The following IL1RAPL2 variants were observed in gnomAD, a reference collection of about 807,000 sequenced individuals.
The protein encoded by IL1RAPL2 is interleukin 1 receptor accessory protein like 2.
In IL1RAPL2, 3 loss-of-function variants were observed where a neutral mutation model predicts 44.1. The observed-to-expected ratio is 0.07, with a 90% CI of 0.03 to 0.18. IL1RAPL2 has a LOEUF of 0.18. Among genes scored for constraint, IL1RAPL2 ranks in the 10% least tolerant of loss-of-function variants. IL1RAPL2 has a pLI of 1.00. For missense variants in IL1RAPL2, 391 were observed against 496.4 expected (o/e 0.79, Z 2.02); for synonymous variants, 181 against 178.8 (o/e 1.01, Z -0.10).
At chrX:104,876,766 A>T (rs1219336280) in intron 2 of IL1RAPL2, among the ~76,000 whole-genome samples, 2 of 101,673 alleles carry the variant, frequency 2.0e-5, no homozygotes, top group East Asian at 3.1e-4. Context: ...TTTAGGGTAC[A>T]TGTGCACAAT....
At chrX:105,234,731 A>G (rs782098585) in intron 4 of IL1RAPL2, among the ~76,000 whole-genome samples, 22 of 108,615 alleles carry the variant, frequency 2.0e-4, no homozygotes, top group Non-Finnish European at 3.6e-4. Flanking sequence ...CCACTTGAAC[A>G]TGGGAGGCAG....
At chrX:104,845,724 C>T (rs1035663176) in intron 2 of IL1RAPL2, among the ~76,000 whole-genome samples, 1 of 111,844 alleles carries the variant, frequency 8.9e-6, no homozygotes, top group Non-Finnish European at 1.9e-5. Context: ...CTCTATTTGT[C>T]ATGGTTTTTA....
intron 5 of IL1RAPL2, among the ~76,000 whole-genome samples, chrX:105,379,526 A>C (rs935809052): frequency 1.8e-5 from 2 of 111,767 alleles, no homozygotes; most frequent in African/African-American, 6.5e-5. Context: ...ACTATCCCTT[A>C]CATTTGTATA....
chrX:105,480,380 A>C (rs1232307187), intron 5 of IL1RAPL2, among the ~76,000 whole-genome samples: 2 of 112,173 alleles, frequency 1.8e-5, no homozygotes, highest in Non-Finnish European at 3.8e-5. Flanking sequence ...AGGAAGAAGA[A>C]GGCAGTAATA....
chrX:105,343,309 AGAAT>A (rs1282311752), intron 5 of IL1RAPL2, among the ~76,000 whole-genome samples: 1 of 112,505 alleles, frequency 8.9e-6, no homozygotes, highest in Non-Finnish European at 1.9e-5. Flanking sequence ...TTGTAAAAAT[AGAAT>A]GAGTTTTAAA....
At position 105,714,408 on chromosome X, in the gene IL1RAPL2, T is replaced by C. The variant is rs181544233; in HGVS notation, c.773-2959T>C. Among the ~76,000 whole-genome samples the C allele has an allele frequency of 8.0e-5, 9 of 111,879 alleles. No individual in the cohort carries two copies. In the East Asian group the frequency reaches 1.7e-3, roughly 21 times the overall value. On this transcript the variant is annotated intron_variant, in intron 6 of 10. Transcript: ENST00000372582. ...CTCCCACATCTTCAGGTATTTGTTATAGCAACAACCCCACTCTCGGTACCA... is the reference window on the plus strand; with the variant it reads ...CTCCCACATCTTCAGGTATTTGTTACAGCAACAACCCCACTCTCGGTACCA...
intron 2 of IL1RAPL2, among the ~76,000 whole-genome samples, chrX:105,035,144 C>T (rs2031604317): frequency 9.0e-6 from 1 of 111,550 alleles, no homozygotes; most frequent in Non-Finnish European, 1.9e-5. Flanking sequence ...CGTCTGTCAC[C>T]CCTTTCTTTG....
chrX:105,434,770 T>C, intron 5 of IL1RAPL2, among the ~76,000 whole-genome samples: 1 of 111,963 alleles, frequency 8.9e-6, no homozygotes, highest in Admixed American at 9.5e-5. Context: ...GGTGATTTTA[T>C]CATAAAATCT....
At chrX:105,479,929 C>G (rs997997227) in intron 5 of IL1RAPL2, among the ~76,000 whole-genome samples, 11 of 110,863 alleles carry the variant, frequency 9.9e-5, no homozygotes, top group Non-Finnish European at 1.9e-4. Context: ...AATGTTATGA[C>G]GAAAATAGTG....
intron 5 of IL1RAPL2, among the ~76,000 whole-genome samples, chrX:105,282,383 A>G (rs1327061893): frequency 1.8e-5 from 2 of 111,862 alleles, no homozygotes; most frequent in Non-Finnish European, 3.8e-5. Flanking sequence ...TCTGTAAATC[A>G]TTTCTTGGTA....
chrX:105,367,315 T>G (rs186210144), intron 5 of IL1RAPL2, among the ~76,000 whole-genome samples: 150 of 111,785 alleles, frequency 1.3e-3, no homozygotes, highest in Non-Finnish European at 2.6e-3. Context: ...GAGAATTTAA[T>G]TCATTTAAAC....
At chrX:104,640,264 C>G (rs1929906672) in intron 1 of IL1RAPL2, among the ~76,000 whole-genome samples, 1 of 111,489 alleles carries the variant, frequency 9.0e-6, no homozygotes, top group African/African-American at 3.3e-5. Context: ...TTGACCTAGT[C>G]TATTATTGAA....
chrX:104,819,973 C>A (rs904040073), intron 2 of IL1RAPL2, among the ~76,000 whole-genome samples: 1 of 110,792 alleles, frequency 9.0e-6, no homozygotes, highest in Non-Finnish European at 1.9e-5. Context: ...TTCCCATAAA[C>A]GTGTGTTTTT....
chrX:105,485,874 T>C (rs1347877520), intron 6 of IL1RAPL2, among the ~76,000 whole-genome samples: 1 of 112,135 alleles, frequency 8.9e-6, no homozygotes, highest in Non-Finnish European at 1.9e-5. Context: ...GACACTTAGG[T>C]TGCTTCCAAA....
At chrX:105,718,362 A>G (rs771761125) in intron 7 of IL1RAPL2, among the ~76,000 whole-genome samples, 2 of 112,045 alleles carry the variant, frequency 1.8e-5, no homozygotes, top group South Asian at 7.4e-4. Context: ...ATTATTTACT[A>G]TGTTTAAATG....
At chrX:105,002,607 G>A (rs1171942206) in intron 2 of IL1RAPL2, among the ~76,000 whole-genome samples, 1 of 110,490 alleles carries the variant, frequency 9.1e-6, no homozygotes, top group Non-Finnish European at 1.9e-5. Context: ...TTTCATAATG[G>A]TGGCATTTAT....
At chrX:104,641,687 T>C (rs1454891141) in intron 1 of IL1RAPL2, among the ~76,000 whole-genome samples, 1 of 111,280 alleles carries the variant, frequency 9.0e-6, no homozygotes, top group East Asian at 2.8e-4. Flanking sequence ...CATCCCATTC[T>C]TTATCCCAGC....
chrX:104,940,393 G>T (rs891271867), intron 2 of IL1RAPL2, among the ~76,000 whole-genome samples: 9 of 111,410 alleles, frequency 8.1e-5, no homozygotes, highest in Middle Eastern at 4.2e-3. Context: ...ATATGTAAAG[G>T]TATTTAAAAT....
chrX:105,681,185 G>T (rs2037922312), intron 6 of IL1RAPL2, among the ~76,000 whole-genome samples: 1 of 111,177 alleles, frequency 9.0e-6, no homozygotes, highest in Admixed American at 9.6e-5. Flanking sequence ...GGGGAGAGGG[G>T]TTCTAGTTTT....
Sources: gnomAD v4.1 joint callset for allele counts (sites outside exome capture counted in the v4.1 genomes callset) on GRCh38, gnomAD v4.1.1 for gene constraint, MANE v1.5 for transcripts, NCBI Gene and HGNC (gene_info 2026-07-23, HGNC 2026-07-21) for gene names.